Variants in SERPINB5 observed in about 807,000 individuals in gnomAD.
SERPINB5 encodes serpin family B member 5.
SERPINB5 carries 27 observed loss-of-function variants against 32.2 expected under a neutral mutation model. The ratio of observed to expected loss-of-function variants is 0.84; its 90% CI spans 0.62 to 1.16. SERPINB5 has a LOEUF of 1.16. Ranked by LOEUF, SERPINB5 falls within the 50% of genes most tolerant of loss-of-function variation. The pLI is 0.00. For synonymous variants in SERPINB5, 154 were observed against 157.4 expected, an observed-to-expected ratio of 0.98 and a Z score of 0.16; for missense variants, 388 against 436.3, an observed-to-expected ratio of 0.89 and a Z score of 0.99.
chr18:63,478,032 G>T (rs1015964996), intron 1 of SERPINB5, among the ~76,000 whole-genome samples: 22 of 152,254 alleles, frequency 1.4e-4, no homozygotes, highest in Non-Finnish European at 2.9e-4. Context: ...CTCCCGGGAG[G>T]TTTTCGATAA....
chr18:63,482,840 T>C (rs1195152566), intron 1 of SERPINB5, among the ~76,000 whole-genome samples: 2 of 150,390 alleles, frequency 1.3e-5, no homozygotes, highest in Non-Finnish European at 3.0e-5. Context: ...ATATAATAAT[T>C]AAATACTAAT....
rs1834437936 is a variant in SERPINB5 at position 63,487,083 on chromosome 18, A to G, written c.306A>G (p.Thr102=). The G allele has an allele frequency of 1.2e-6, 2 of 1,613,346 alleles. No individual in the cohort carries two copies. The highest frequency in any genetic ancestry group is 1.7e-6 in the Non-Finnish European group (2 of 1,179,722). Residue 102 remains threonine, a splice_region_variant and synonymous_variant, in exon 3 of 7, where the codon ACA becomes ACG. Transcript: ENST00000382771. The part of the protein sequence containing the change: ...LYVDKSLNLS[T]EFISSTKRPY... ...TAGACAAATCTCTGAATCTTTCTAC[A>G]GTAAGTTGTTTAAAGCAAGTAGCAA...
At chr18:63,494,299 G>C (rs1193635282) in intron 5 of SERPINB5, among the ~76,000 whole-genome samples, 3 of 132,902 alleles carry the variant, frequency 2.3e-5, no homozygotes, top group Non-Finnish European at 4.7e-5. Flanking sequence ...TCCAGCCTGG[G>C]TGACAAAGTG....
At chr18:63,501,689 A>C (rs188612920) in intron 6 of SERPINB5, among the ~76,000 whole-genome samples, 6 of 152,176 alleles carry the variant, frequency 3.9e-5, no homozygotes, top group Admixed American at 1.3e-4. Context: ...ATTTCTCCAT[A>C]TCCTTTCCAG....
rs1413674323 is a variant in SERPINB5, at chr18:63,498,969, A to G, written c.568-151A>G. On this transcript the variant is annotated intron_variant, in intron 5 of 6. Transcript: ENST00000382771. This position sits in a 1 kb window ranked among gnomAD's most constrained non-coding sequence, Gnocchi z 4.2. Reference sequence around the variant, plus strand: ...TATATGTATGTGTATCTGTATATATATAGGTGTAGGTATATATGTATGTGT... The same window carrying G: ...TATATGTATGTGTATCTGTATATATGTAGGTGTAGGTATATATGTATGTGT... 1 of 341,550 alleles carries G rather than the reference A, an allele frequency of 2.9e-6. No individual in the cohort carries two copies. Among genetic ancestry groups the G allele is most frequent in the Non-Finnish European group, 5.3e-6 (1 of 187,096 alleles). The allele number at this position is 341,550 out of a possible 1,614,324, so 21.2% of individuals were successfully genotyped here. A position where few individuals can be genotyped will look rare whatever the true frequency, so the allele number is the denominator to read the frequency against.
chr18:63,482,375 A>G (rs559713822), intron 1 of SERPINB5, among the ~76,000 whole-genome samples: 10 of 152,274 alleles, frequency 6.6e-5, no homozygotes, highest in African/African-American at 2.4e-4. Context: ...TGCATGTCCT[A>G]CCTGAAGACC....
At chr18:63,482,759 T>G (rs1413676763) in intron 1 of SERPINB5, among the ~76,000 whole-genome samples, 1 of 151,944 alleles carries the variant, frequency 6.6e-6, no homozygotes, top group Admixed American at 6.6e-5. Flanking sequence ...ATTATATCTA[T>G]CACTATTTAC....
intron 5 of SERPINB5, among the ~76,000 whole-genome samples, chr18:63,494,743 C>T (rs1421543087): frequency 6.6e-6 from 1 of 152,166 alleles, no homozygotes; most frequent in Non-Finnish European, 1.5e-5. Context: ...TTTATTCATA[C>T]TCTCCCCTGT....
rs386387948 is a variant in SERPINB5, at chr18:63,498,749, G to GTATATATATATA, written c.568-369_568-358dup. ...GACACTGTGTCAAGAGCAAATTTGT[G>GTATATATATATA]TATATATATATATGTACATATATAT... On this transcript the variant is annotated intron_variant, in intron 5 of 6. Transcript: ENST00000382771. The surrounding 1 kb of genome is among the most constrained non-coding windows in gnomAD (Gnocchi z 4.2). Among the ~76,000 whole-genome samples, 1 of 149,876 alleles carries GTATATATATATA rather than the reference G, an allele frequency of 6.7e-6. No individual in the cohort carries two copies. The highest frequency in any genetic ancestry group is 2.1e-4 in the South Asian group (1 of 4,746).
intron 6 of SERPINB5, among the ~76,000 whole-genome samples, chr18:63,499,908 C>T (rs757123378): frequency 6.6e-6 from 1 of 152,014 alleles, no homozygotes; most frequent in Non-Finnish European, 1.5e-5. Flanking sequence ...CTCCCCTTCC[C>T]GTCCCAGGCC....
chr18:63,486,205 G>T (rs1185274314), intron 2 of SERPINB5, among the ~76,000 whole-genome samples: 1 of 152,208 alleles, frequency 6.6e-6, no homozygotes. Flanking sequence ...GAGAGGAAAG[G>T]AGGCTCTGAA....
At chr18:63,479,014 C>T (rs1370967375) in intron 1 of SERPINB5, among the ~76,000 whole-genome samples, 1 of 152,136 alleles carries the variant, frequency 6.6e-6, no homozygotes, top group Non-Finnish European at 1.5e-5. Flanking sequence ...CCCGCCTTGG[C>T]CTCCCAAAGT....
chr18:63,503,883 C>CT lies in SERPINB5; in HGVS notation c.*173dup, dbSNP rs35377797. 231,975 of 516,224 alleles carry CT rather than the reference C, an allele frequency of 0.45. 25,113 individuals are homozygous for CT. Among genetic ancestry groups the CT allele is most frequent in the Non-Finnish European group, 0.48 (144,094 of 298,494 alleles). The allele number at this position is 516,224 out of a possible 1,614,324, so 32.0% of individuals were successfully genotyped here. A position where few individuals can be genotyped will look rare whatever the true frequency, so the allele number is the denominator to read the frequency against. On this transcript the variant is annotated 3_prime_UTR_variant, in exon 7 of 7. Coordinates refer to ENST00000382771, the MANE Select transcript of SERPINB5 (RefSeq NM_002639.5). Reference sequence around the variant, plus strand: ...ATATGTAGCCTTCACACAGATAGACCTTTTTTTTTTTTCCAATTCTATCTT... The same window carrying CT: ...ATATGTAGCCTTCACACAGATAGACCTTTTTTTTTTTTTCCAATTCTATCTT...
chr18:63,496,028 T>C (rs1909439153), intron 5 of SERPINB5, among the ~76,000 whole-genome samples: 1 of 152,206 alleles, frequency 6.6e-6, no homozygotes, highest in South Asian at 2.1e-4. Context: ...GTATAGTACT[T>C]ATTCTGATAA....
At chr18:63,482,579 C>T (rs1225502093) in intron 1 of SERPINB5, among the ~76,000 whole-genome samples, 1 of 152,152 alleles carries the variant, frequency 6.6e-6, no homozygotes, top group African/African-American at 2.4e-5. Context: ...AAGGGAAGCC[C>T]TGACTGCCTG....
chr18:63,491,419 A>G (rs1909334890), intron 4 of SERPINB5, among the ~76,000 whole-genome samples: 1 of 151,436 alleles, frequency 6.6e-6, no homozygotes. Flanking sequence ...AAAAAAAAAA[A>G]AAAAAAAAAG....
At position 63,477,057 on chromosome 18, in the gene SERPINB5, G is replaced by C. The variant is rs1236573761; in HGVS notation, c.-8+12G>C. 3 of 152,276 alleles carry C rather than the reference G, an allele frequency of 2.0e-5. No homozygotes were observed. The highest frequency in any genetic ancestry group is 4.4e-5 in the Non-Finnish European group (3 of 68,100). 9.4% of individuals were successfully genotyped at this position (152,276 alleles called of 1,614,324 possible). ...AACTGTGACTCCAGGTAAGCAAGGT[G>C]GGGTAGCAGGGCTGGTGACTTCCTT... On this transcript the variant is annotated intron_variant, in intron 1 of 6. Coordinates refer to ENST00000382771, the MANE Select transcript of SERPINB5 (RefSeq NM_002639.5).
At position 63,493,861 on chromosome 18, in the gene SERPINB5, A is replaced by AAACAAAC. The variant is rs1555670954; in HGVS notation, c.567+768_567+769insCAAACAA. ...ACAAGAGTGAAACTCCACCTCAAGA[A>AAACAAAC]AAACAAACAAACAAACAAACAACAA... On this transcript the variant is annotated intron_variant, in intron 5 of 6. Transcript: ENST00000382771. Among the ~76,000 whole-genome samples the AAACAAAC allele has an allele frequency of 6.6e-5, 10 of 151,132 alleles. No homozygotes were observed. The East Asian group carries it at 2.0e-3, about 30-fold the overall frequency.
chr18:63,490,818 A>G (rs1909317938), intron 4 of SERPINB5: 1 of 152,190 alleles, frequency 6.6e-6, no homozygotes, highest in Non-Finnish European at 1.5e-5. Context: ...AATTTTTAAA[A>G]TTGTATTATA....
Sources: gnomAD v4.1 joint callset for allele counts (sites outside exome capture counted in the v4.1 genomes callset) on GRCh38, gnomAD v4.1.1 for gene constraint, Gnocchi (gnomAD v3.1) non-coding constraint, MANE v1.5 for transcripts, NCBI Gene and HGNC (gene_info 2026-07-23, HGNC 2026-07-21) for gene names.